The following DNAH8 variants were observed in gnomAD, a reference collection of about 807,000 sequenced individuals.
DNAH8 encodes dynein axonemal heavy chain 8, also known as axonemal beta dynein heavy chain 8.
Under a neutral mutation model 562.1 loss-of-function variants are expected in DNAH8, and 382 were observed. That is an observed-to-expected ratio of 0.68 (90% CI 0.63 to 0.74). The LOEUF is 0.74. Among genes scored for constraint, DNAH8 ranks in the 30% least tolerant of loss-of-function variants. The pLI is 0.00. For synonymous variants in DNAH8, 1,881 were observed against 1,919.4 expected (o/e 0.98, Z 0.52); for missense variants, 5,203 against 5,620.4 (o/e 0.93, Z 2.37).
intron 41 of DNAH8, among the ~76,000 whole-genome samples, chr6:38,856,392 A>C (rs1393420210): frequency 1.3e-5 from 2 of 152,180 alleles, no homozygotes; most frequent in African/African-American, 4.8e-5. Context: ...ACTCAAGATA[A>C]TGATTGTAAA....
chr6:38,961,318 A>T (rs1370192444), intron 82 of DNAH8, among the ~76,000 whole-genome samples: 3 of 152,140 alleles, frequency 2.0e-5, no homozygotes, highest in Admixed American at 6.5e-5. Flanking sequence ...ACACAGGGAA[A>T]TGAAAATTAT....
rs868052951 is a variant in DNAH8 at position 38,915,056 on chromosome 6, C to T, written c.9964-145C>T. On this transcript the variant is annotated intron_variant, in intron 67 of 92. Coordinates refer to ENST00000327475, the MANE Select transcript of DNAH8 (RefSeq NM_001206927.2). ...GCTCAAAGGAATTTACTTTAATATA[C>T]CTTAAAATATAGACAACTTAGGAAA... 21 of 655,716 alleles carry T rather than the reference C, an allele frequency of 3.2e-5. No individual in the cohort carries two copies. The Middle Eastern group carries it at 1.3e-3, about 40-fold the overall frequency. 40.6% of individuals were successfully genotyped at this position (655,716 alleles called of 1,614,324 possible).
chr6:38,840,333 G>T (rs1173968511), intron 33 of DNAH8, among the ~76,000 whole-genome samples: 1 of 152,144 alleles, frequency 6.6e-6, no homozygotes, highest in African/African-American at 2.4e-5. Context: ...TCAATTCCAA[G>T]AAATTTTAAA....
At position 38,873,029 on chromosome 6, in the gene DNAH8, C is replaced by T. The variant is rs1278517785; in HGVS notation, c.7361C>T (p.Pro2454Leu). The change falls in exon 51 of 93, where the codon CCT becomes CTT. Residue 2454 changes from proline (P) to leucine (L), a missense_variant. Coordinates refer to ENST00000327475, the MANE Select transcript of DNAH8 (RefSeq NM_001206927.2). ...AATGGAGATCGCATTCCCATGGCCCCTAGTTGTAAGCTTCTGTTTGAAGTC... is the reference window on the plus strand; with the variant it reads ...AATGGAGATCGCATTCCCATGGCCCTTAGTTGTAAGCTTCTGTTTGAAGTC... ...LANGDRIPMA[P>L]SCKLLFEVHN... 6.2e-7 allele frequency: 1 copy of T among 1,614,026 alleles called. No individual in the cohort carries two copies. Among genetic ancestry groups the T allele is most frequent in the African/African-American group, 1.3e-5 (1 of 74,930 alleles).
intron 14 of DNAH8, among the ~76,000 whole-genome samples, chr6:38,779,493 T>C (rs893874272): frequency 5.3e-5 from 8 of 152,232 alleles, no homozygotes; most frequent in African/African-American, 1.9e-4. Flanking sequence ...ATTCAGTCTC[T>C]GAATGGAAGT....
intron 10 of DNAH8, among the ~76,000 whole-genome samples, chr6:38,759,353 G>A (rs1298087808): frequency 2.0e-5 from 3 of 151,534 alleles, no homozygotes; most frequent in Non-Finnish European, 4.4e-5. Flanking sequence ...CACCACCAAC[G>A]AAAAAACCCA....
intron 13 of DNAH8, among the ~76,000 whole-genome samples, chr6:38,776,209 C>T (rs1412684440): frequency 2.0e-5 from 3 of 146,824 alleles, no homozygotes; most frequent in Non-Finnish European, 4.5e-5. Flanking sequence ...GCTTTTATAG[C>T]TAGGATTCTT....
rs1762903356 is a variant in DNAH8, at chr6:38,723,050, C to A, written c.241C>A (p.Leu81Met). The A allele has an allele frequency of 6.2e-7, 1 of 1,612,794 alleles. No homozygotes were observed. The highest frequency in any genetic ancestry group is 8.5e-7 in the Non-Finnish European group (1 of 1,179,908). ...TCTTCCAGATGATCATGAAGCGGAT[C>A]TGAATAGAGTTCGACAGAGGCTTGC... is the stretch of plus-strand genomic sequence containing the variant. ...IVLPDDHEADLNRVRQRLAPR... is the reference protein window; with the variant it reads ...IVLPDDHEADMNRVRQRLAPR... Residue 81 changes from leucine to methionine, a missense_variant, in exon 2 of 93, where the codon CTG (leucine) becomes ATG (methionine). By Grantham distance (15) the Leu-to-Met change is conservative. Transcript: ENST00000327475.
intron 35 of DNAH8, among the ~76,000 whole-genome samples, chr6:38,843,721 A>C (rs1356615762): frequency 1.3e-5 from 2 of 152,154 alleles, no homozygotes; most frequent in Non-Finnish European, 2.9e-5. Context: ...TATGTTGGCT[A>C]TCCTCTGAGC....
chr6:38,722,575 TGGGTGGGG>T (rs146492184), intron 1 of DNAH8, among the ~76,000 whole-genome samples, 193 bp from the exon 2 acceptor site: 3 of 134,640 alleles, frequency 2.2e-5, no homozygotes, highest in Non-Finnish European at 3.3e-5. Flanking sequence ...AGCTCCCAGG[TGGGTGGGG>T]GTGTGTGTGT....
intron 35 of DNAH8, among the ~76,000 whole-genome samples, chr6:38,844,682 A>G (rs1583165693): frequency 1.3e-5 from 2 of 151,812 alleles, no homozygotes; most frequent in African/African-American, 4.8e-5. Flanking sequence ...GGTACTGTCT[A>G]CCCCAGATAC....
At chr6:39,009,641 A>G (rs942304657) in intron 89 of DNAH8, among the ~76,000 whole-genome samples, 1 of 152,214 alleles carries the variant, frequency 6.6e-6, no homozygotes, top group Admixed American at 6.5e-5. Context: ...CTCAGTGCTC[A>G]GGACAGCACC....
chr6:38,949,654 T>TG, intron 81 of DNAH8, 84 bp downstream of exon 81: 1 of 797,888 alleles, frequency 1.3e-6, no homozygotes, highest in Non-Finnish European at 2.1e-6. Context: ...TTTACTTCAC[T>TG]ATATCACTGT....
At chr6:38,793,248 G>A (rs1769921809) in intron 21 of DNAH8, among the ~76,000 whole-genome samples, 1 of 151,518 alleles carries the variant, frequency 6.6e-6, no homozygotes, top group African/African-American at 2.4e-5. Context: ...AGAATTCCTG[G>A]GTTTATGTGA....
At chr6:38,728,690 C>T (rs1763424332) in intron 3 of DNAH8, among the ~76,000 whole-genome samples, 2 of 152,170 alleles carry the variant, frequency 1.3e-5, no homozygotes, top group Non-Finnish European at 2.9e-5. Flanking sequence ...TTACGCACAT[C>T]TTGGTGGCTC....
chr6:38,843,938 T>C (rs12524328), intron 35 of DNAH8, among the ~76,000 whole-genome samples: 18,738 of 152,166 alleles, frequency 0.12, 1,404 homozygotes, highest in Admixed American at 0.21. Context: ...GAGCCAGGTG[T>C]TGTAATAGCG....
At chr6:38,906,548 A>T (rs1428776622) in intron 63 of DNAH8, 141 bp downstream of exon 63, 1 of 655,772 alleles carries the variant, frequency 1.5e-6, no homozygotes, top group Non-Finnish European at 2.3e-6. Flanking sequence ...GATTTAGCAG[A>T]TTTTCTGAAG....
At chr6:38,899,526 T>C (rs888131549) in intron 61 of DNAH8, among the ~76,000 whole-genome samples, 5 of 152,266 alleles carry the variant, frequency 3.3e-5, no homozygotes, top group Non-Finnish European at 7.3e-5. Flanking sequence ...ACAGAATAGT[T>C]TTAAAATAGA....
At chr6:38,747,132 G>T (rs541001324) in intron 8 of DNAH8, among the ~76,000 whole-genome samples, 4 of 152,056 alleles carry the variant, frequency 2.6e-5, no homozygotes, top group Non-Finnish European at 4.4e-5. Flanking sequence ...TGTGCCAAGC[G>T]TTGTGTTCAG....
Sources: gnomAD v4.1 joint callset for allele counts (sites outside exome capture counted in the v4.1 genomes callset) on GRCh38, gnomAD v4.1.1 for gene constraint, MANE v1.5 for transcripts, NCBI Gene and HGNC (gene_info 2026-07-23, HGNC 2026-07-21) for gene names.